LARGE1: variants seen among roughly 807,000 people sequenced by gnomAD.
The protein encoded by LARGE1 is LARGE xylosyl- and glucuronyltransferase 1, also known as xylosyl- and glucuronyltransferase LARGE1.
LARGE1 carries 43 observed loss-of-function variants against 87.6 expected under a neutral mutation model. The observed-to-expected ratio is 0.49, with a 90% CI of 0.38 to 0.63. LARGE1 has a LOEUF of 0.63. Ranked by LOEUF, LARGE1 falls within the 30% of genes least tolerant of loss-of-function variation. The probability of loss-of-function intolerance (pLI) is 0.00; values close to 1 mark genes in which losing one functional copy is unlikely to be tolerated. For missense variants in LARGE1, 802 were observed against 1,000.2 expected (o/e 0.80, Z 2.67); for synonymous variants, 434 against 394.6 (o/e 1.10, Z -1.18).
At chr22:33,501,205 C>T (rs557187037) in intron 6 of LARGE1, among the ~76,000 whole-genome samples, 7 of 152,238 alleles carry the variant, frequency 4.6e-5, no homozygotes, top group African/African-American at 1.4e-4. Flanking sequence ...AAGTAAGGGA[C>T]GAAGCTAATG....
chr22:33,577,957 T>G (rs1411158150), intron 5 of LARGE1, among the ~76,000 whole-genome samples: 3 of 152,256 alleles, frequency 2.0e-5, no homozygotes. Context: ...ATCTCTTCAC[T>G]GGTCACCCTG....
the LARGE1 span, among the ~76,000 whole-genome samples, chr22:33,122,451 C>T: frequency 2.0e-5 from 3 of 151,560 alleles, no homozygotes; most frequent in South Asian, 2.1e-4. Flanking sequence ...CTCTGCCTCC[C>T]GGGTTCAAGC....
Position 33,327,069 on chromosome 22 carries a change from C to T in LARGE1, c.1287+10577G>A, listed in dbSNP as rs556461029. On this transcript the variant is annotated intron_variant, in intron 10 of 14. Coordinates refer to ENST00000397394, the MANE Select transcript of LARGE1 (RefSeq NM_133642.5). ...AAGAGTTGGCGACATGCGGCTCGCA[C>T]GTGAGAGCAGGAATGCATTCTGGGC... 3.2e-4 allele frequency among the ~76,000 whole-genome samples: 49 copies of T among 152,306 alleles called. 1 individual carries two copies. The South Asian group carries it at 9.3e-3, about 29-fold the overall frequency.
At chr22:33,663,080 TC>T (rs1374713698) in intron 2 of LARGE1, among the ~76,000 whole-genome samples, 2 of 152,172 alleles carry the variant, frequency 1.3e-5, no homozygotes, top group African/African-American at 4.8e-5. Flanking sequence ...TTTCACCCTT[TC>T]CTGACAAATC....
chr22:33,487,886 G>T (rs531512585), intron 6 of LARGE1, among the ~76,000 whole-genome samples: 2 of 152,274 alleles, frequency 1.3e-5, no homozygotes, highest in South Asian at 4.2e-4. Flanking sequence ...AGCCTGCCAT[G>T]AATATTAAAT....
At chr22:33,136,038 T>C in the LARGE1 span, among the ~76,000 whole-genome samples, 1 of 152,166 alleles carries the variant, frequency 6.6e-6, no homozygotes, top group Admixed American at 6.5e-5. Flanking sequence ...CCTCCTCCTC[T>C]ATTGTGTGGT....
intron 4 of LARGE1, among the ~76,000 whole-genome samples, chr22:33,607,028 A>C (rs1266274573): frequency 6.6e-6 from 1 of 152,218 alleles, no homozygotes; most frequent in Non-Finnish European, 1.5e-5. Flanking sequence ...AGACAGGCCC[A>C]TGATCTACAG....
chr22:33,570,823 G>T lies in LARGE1; in HGVS notation c.616-5804C>A, dbSNP rs559900391. 1.6e-4 allele frequency among the ~76,000 whole-genome samples: 24 copies of T among 152,074 alleles called. 1 individual carries two copies. The highest frequency in any genetic ancestry group is 4.2e-4 in the South Asian group (2 of 4,810). On this transcript the variant is annotated intron_variant, in intron 5 of 14. Transcript: ENST00000397394. ...CAGTCTCTCCATGCAATCCACACTG[G>T]TATTAATCTCATTTCCATGCCGCAA...
At chr22:33,855,525 T>C (rs530387295) in intron 1 of LARGE1, among the ~76,000 whole-genome samples, 21 of 152,184 alleles carry the variant, frequency 1.4e-4, no homozygotes, top group African/African-American at 4.8e-4. Flanking sequence ...CAGGGCTGTG[T>C]GGTACAATCC....
At chr22:33,593,985 G>A (rs2148931952) in intron 5 of LARGE1, among the ~76,000 whole-genome samples, 1 of 152,246 alleles carries the variant, frequency 6.6e-6, no homozygotes, top group Non-Finnish European at 1.5e-5. Flanking sequence ...CTAAGCTTCA[G>A]TTTCCTCGCC....
At chr22:33,084,163 C>T in the LARGE1 span, among the ~76,000 whole-genome samples, 1 of 152,126 alleles carries the variant, frequency 6.6e-6, no homozygotes, top group Non-Finnish European at 1.5e-5. Context: ...AGATCAAATT[C>T]AGTTATCGCC....
At position 33,568,859 on chromosome 22, in the gene LARGE1, CATGGATGG is replaced by C. The variant is rs560703342; in HGVS notation, c.616-3848_616-3841del. ...AGATGGATGGATGGATGGATGAATGCATGGATGGATGGATGGATGGATGGATGATGGAT... is the reference window on the plus strand; with the variant it reads ...AGATGGATGGATGGATGGATGAATGCATGGATGGATGGATGGATGATGGAT... On this transcript the variant is annotated intron_variant, in intron 5 of 14. Transcript: ENST00000397394. Among the ~76,000 whole-genome samples the C allele has an allele frequency of 4.1e-4, 62 of 150,438 alleles. 1 individual carries two copies. The South Asian group carries it at 0.013, about 31-fold the overall frequency.
chr22:33,782,392 G>A (rs1569444175), intron 1 of LARGE1, among the ~76,000 whole-genome samples: 1 of 152,110 alleles, frequency 6.6e-6, no homozygotes, highest in Non-Finnish European at 1.5e-5. Flanking sequence ...TGAGGAAAAT[G>A]TTCTGGAATT....
chr22:33,271,297 G>A (rs1928229824), downstream of LARGE1, among the ~76,000 whole-genome samples: 1 of 152,164 alleles, frequency 6.6e-6, no homozygotes, highest in African/African-American at 2.4e-5. Flanking sequence ...CAAAGAAGTA[G>A]GATTTGATTT....
exon 12 of LARGE1, chr22:33,165,246 T>C (rs1404103989): frequency 6.6e-6 from 1 of 152,220 alleles, no homozygotes; most frequent in African/African-American, 2.4e-5. Context: ...GTTTATATGA[T>C]TAAGGAAAAA....
At chr22:33,316,323 C>T in intron 10 of LARGE1, 75 bp from the exon 11 acceptor site, 1 of 1,444,888 alleles carries the variant, frequency 6.9e-7, no homozygotes, top group Non-Finnish European at 9.5e-7. Context: ...CCCTTGAGCC[C>T]TGCCCTCCCC....
intron 1 of LARGE1, among the ~76,000 whole-genome samples, chr22:33,898,527 G>A (rs1382867100): frequency 6.6e-6 from 1 of 152,244 alleles, no homozygotes; most frequent in Non-Finnish European, 1.5e-5. Flanking sequence ...GGCCGAGGCA[G>A]GCGGATCGCC....
At chr22:33,741,047 G>A (rs1270879185) in intron 2 of LARGE1, among the ~76,000 whole-genome samples, 1 of 152,206 alleles carries the variant, frequency 6.6e-6, no homozygotes, top group Non-Finnish European at 1.5e-5. Flanking sequence ...TCATTAAATA[G>A]AAGGAAAATT....
chr22:33,624,656 T>C, intron 4 of LARGE1, among the ~76,000 whole-genome samples: 1 of 152,186 alleles, frequency 6.6e-6, no homozygotes, highest in African/African-American at 2.4e-5. Flanking sequence ...CAGAAAGCAC[T>C]ATGGAGATCA....
Sources: gnomAD v4.1 joint callset for allele counts (sites outside exome capture counted in the v4.1 genomes callset) on GRCh38, gnomAD v4.1.1 for gene constraint, MANE v1.5 for transcripts, NCBI Gene and HGNC (gene_info 2026-07-23, HGNC 2026-07-21) for gene names.